URB1: variants seen among roughly 807,000 people sequenced by gnomAD.
URB1 encodes the protein URB1 ribosome biogenesis factor.
In URB1, 197 loss-of-function variants were observed where a neutral mutation model predicts 242.3. The observed-to-expected ratio is 0.81, with a 90% confidence interval of 0.72 to 0.91. The LOEUF (loss-of-function observed/expected upper bound fraction) is 0.91. Among genes scored for constraint, URB1 ranks in the 40% least tolerant of loss-of-function variants. The pLI is 0.00. For missense variants in URB1, 2,721 were observed against 2,860.5 expected (o/e 0.95, Z 1.11); for synonymous variants, 1,153 against 1,201.8 (o/e 0.96, Z 0.84).
At chr21:32,356,772 C>T (rs1237064190) in intron 15 of URB1, among the ~76,000 whole-genome samples, 1 of 152,232 alleles carries the variant, frequency 6.6e-6, no homozygotes, top group Non-Finnish European at 1.5e-5. Context: ...AGCCCTGCAA[C>T]AGCATGCACC....
chr21:32,334,791 C>T (rs907604257), intron 28 of URB1, among the ~76,000 whole-genome samples: 37 of 152,140 alleles, frequency 2.4e-4, no homozygotes, highest in African/African-American at 6.8e-4. Flanking sequence ...TAGAACATAG[C>T]GGCAGAATTC....
chr21:32,383,547 G>C lies in URB1; in HGVS notation c.442C>G (p.Arg148Gly), dbSNP rs866797662. ...GCGGTCATCAGGCTCAGGCAGGCGC[G>C]AGCCAACCTGCACAGGGAACCAGAG... Reference protein sequence around the residue: ...SLYASGYRLARACLSLMTAMV... With the variant: ...SLYASGYRLAGACLSLMTAMV... Residue 148 changes from arginine to glycine, a missense_variant, in exon 4 of 39, where the codon CGC (arginine) becomes GGC (glycine). Arg to Gly is a moderately radical substitution (Grantham distance 125). Coordinates refer to ENST00000382751, the MANE Select transcript of URB1 (RefSeq NM_014825.3). The C allele has an allele frequency of 3.2e-6, 5 of 1,551,214 alleles. No individual in the cohort carries two copies. The highest frequency in any genetic ancestry group is 4.4e-6 in the Non-Finnish European group (5 of 1,146,864).
chr21:32,388,909 G>C (rs1372593984), intron 1 of URB1, among the ~76,000 whole-genome samples: 2 of 152,296 alleles, frequency 1.3e-5, no homozygotes, highest in African/African-American at 4.8e-5. Flanking sequence ...CACCTACAGG[G>C]GGTGCCCGAG....
chr21:32,364,857 T>C (rs928177316), intron 10 of URB1, among the ~76,000 whole-genome samples: 1 of 152,096 alleles, frequency 6.6e-6, no homozygotes, highest in Non-Finnish European at 1.5e-5. Flanking sequence ...GGGTCTCACT[T>C]ACATAAAAAC....
chr21:32,365,350 C>T (rs1487206899), intron 10 of URB1, among the ~76,000 whole-genome samples: 1 of 152,030 alleles, frequency 6.6e-6, no homozygotes, highest in African/African-American at 2.4e-5. Context: ...ACTCAGGGGG[C>T]TGAGGTGTGA....
chr21:32,355,354 T>G, intron 16 of URB1, 95 bp downstream of exon 16: 1 of 1,112,570 alleles, frequency 9.0e-7, no homozygotes, highest in Non-Finnish European at 1.3e-6. Context: ...CGAGAAGCCT[T>G]TTGGTGCTGG....
At position 32,312,432 on chromosome 21, in the gene URB1, TC is replaced by T; in HGVS notation, c.*2485del. On this transcript the variant is annotated 3_prime_UTR_variant, in exon 39 of 39. Coordinates refer to ENST00000382751, the MANE Select transcript of URB1 (RefSeq NM_014825.3). Reference sequence around the variant, plus strand: ...CCAAGCTCCACTAACACCCGCCGGCTCCCCCAGATGTGATGGCATCTGCCCT... The same window carrying T: ...CCAAGCTCCACTAACACCCGCCGGCTCCCCAGATGTGATGGCATCTGCCCT... The T allele has an allele frequency of 1.5e-6, 1 of 648,800 alleles. No individual in the cohort carries two copies. The highest frequency in any genetic ancestry group is 2.1e-6 in the Non-Finnish European group (1 of 475,968). 40.2% of individuals were successfully genotyped at this position (648,800 alleles called of 1,614,324 possible).
intron 18 of URB1, among the ~76,000 whole-genome samples, chr21:32,353,374 G>A (rs1232167884): frequency 6.6e-6 from 1 of 152,146 alleles, no homozygotes; most frequent in African/African-American, 2.4e-5. Context: ...GCTACAAAAC[G>A]GGAGCAGCCT....
chr21:32,355,440 T>A lies in URB1; in HGVS notation c.2106+9A>T, dbSNP rs550318666. On this transcript the variant is annotated intron_variant, in intron 16 of 38. Coordinates refer to ENST00000382751, the MANE Select transcript of URB1 (RefSeq NM_014825.3). Reference sequence around the variant, plus strand: ...AGCATGTTCCTTTATGTGGGAAATATGTGCTTACGCGTTCCAGAAACTGAA... The same window carrying A: ...AGCATGTTCCTTTATGTGGGAAATAAGTGCTTACGCGTTCCAGAAACTGAA... The A allele has an allele frequency of 1.3e-6, 2 of 1,549,796 alleles. No homozygotes were observed. Among genetic ancestry groups the A allele is most frequent in the East Asian group, 4.9e-5 (2 of 40,908 alleles).
intron 36 of URB1, among the ~76,000 whole-genome samples, chr21:32,318,351 G>A (rs2032718943): frequency 6.6e-6 from 1 of 152,122 alleles, no homozygotes; most frequent in African/African-American, 2.4e-5. Context: ...ACCACCAGGA[G>A]GAAAAAGATC....
chr21:32,369,153 T>G (rs1364590042), intron 8 of URB1, among the ~76,000 whole-genome samples: 1 of 152,122 alleles, frequency 6.6e-6, no homozygotes, highest in Non-Finnish European at 1.5e-5. Flanking sequence ...GACCTTGGCC[T>G]TGAACTATGT....
intron 1 of URB1, among the ~76,000 whole-genome samples, chr21:32,389,837 C>A (rs1218860460): frequency 6.6e-6 from 1 of 152,180 alleles, no homozygotes; most frequent in African/African-American, 2.4e-5. Flanking sequence ...GGGGATCTTC[C>A]CACAGGCTGA....
In URB1 at chr21:32,319,199, G is replaced by T; in HGVS notation, c.5792+18C>A. 1 of 1,535,368 alleles carries T rather than the reference G, an allele frequency of 6.5e-7. No individual in the cohort carries two copies. Among genetic ancestry groups the T allele is most frequent in the Non-Finnish European group, 8.8e-7 (1 of 1,142,182 alleles). On this transcript the variant is annotated intron_variant, in intron 36 of 38. Transcript: ENST00000382751. ...TCCAAGAGGCCAGAAGGGCCCCCCT[G>T]GCGGGGGCAGGACTCACCTCAGGTG... is the stretch of plus-strand genomic sequence containing the variant.
In URB1 at chr21:32,337,416, G is replaced by C; in HGVS notation, c.4609C>G (p.Leu1537Val). The C allele has an allele frequency of 6.4e-7, 1 of 1,551,574 alleles. No homozygotes were observed. The highest frequency in any genetic ancestry group is 8.7e-7 in the Non-Finnish European group (1 of 1,146,910). ...CTCACACCCTCACCTAGGACGCTGAGAGTGGCGCCATAGGCCCCGAGAAGC... is the reference window on the plus strand; with the variant it reads ...CTCACACCCTCACCTAGGACGCTGACAGTGGCGCCATAGGCCCCGAGAAGC... ...AVLLGAYGAT[L>V]SVLDQKILLL... Residue 1537 changes from leucine (L) to valine (V), a missense_variant, in exon 27 of 39, where the codon CTC becomes GTC. Transcript: ENST00000382751.
At chr21:32,321,330 G>A (rs1191879061) in intron 34 of URB1, among the ~76,000 whole-genome samples, 1 of 152,202 alleles carries the variant, frequency 6.6e-6, no homozygotes, top group East Asian at 1.9e-4. Context: ...AGGTGAGGCT[G>A]TCTGTTTCAA....
intron 1 of URB1, among the ~76,000 whole-genome samples, chr21:32,390,796 G>A (rs2033629367): frequency 6.6e-6 from 1 of 152,144 alleles, no homozygotes; most frequent in Non-Finnish European, 1.5e-5. Flanking sequence ...AACCATTGTG[G>A]AAGTCAGTGT....
chr21:32,365,149 G>C lies in URB1; in HGVS notation c.1335+1469C>G, dbSNP rs559435353. Among the ~76,000 whole-genome samples the C allele has an allele frequency of 3.9e-5, 6 of 152,332 alleles. No individual in the cohort carries two copies. The East Asian group carries it at 7.7e-4, about 20-fold the overall frequency. On this transcript the variant is annotated intron_variant, in intron 10 of 38. Coordinates refer to ENST00000382751, the MANE Select transcript of URB1 (RefSeq NM_014825.3). ...GAAGGGAGAGCAAATGCAGCCCACA[G>C]AGGAGGCACATCTGGCTGGGTGTGG...
intron 21 of URB1, 33 bp downstream of exon 21, chr21:32,349,271 G>A (rs1387934847): frequency 1.3e-6 from 2 of 1,496,620 alleles, no homozygotes; most frequent in African/African-American, 2.8e-5. Context: ...CCATGACTCT[G>A]AGAATAGGCT....
chr21:32,366,692 G>C lies in URB1; in HGVS notation c.1261C>G (p.Arg421Gly). Residue 421 changes from arginine to glycine, a missense_variant, in exon 10 of 39, where the codon CGG becomes GGG. Coordinates refer to ENST00000382751, the MANE Select transcript of URB1 (RefSeq NM_014825.3). ...GTCACCATCACCATTGCCAGGAGCC[G>C]AGGCAAGGGTATAAACTCTCTGGTC... is the stretch of plus-strand genomic sequence containing the variant. ...FQTREFIPLP[R>G]LLAMVMVTTV... 1 of 1,551,492 alleles carries C rather than the reference G, an allele frequency of 6.4e-7. No individual in the cohort carries two copies. The highest frequency in any genetic ancestry group is 8.7e-7 in the Non-Finnish European group (1 of 1,146,842).
Sources: gnomAD v4.1 joint callset for allele counts (sites outside exome capture counted in the v4.1 genomes callset) on GRCh38, gnomAD v4.1.1 for gene constraint, MANE v1.5 for transcripts, NCBI Gene and HGNC (gene_info 2026-07-23, HGNC 2026-07-21) for gene names.